IGSF11: variants seen among roughly 807,000 people sequenced by gnomAD.
IGSF11 encodes immunoglobulin superfamily member 11, also known as CXADR like 1.
In IGSF11, 22 loss-of-function variants were observed where a neutral mutation model predicts 41.0. That is an observed-to-expected ratio of 0.54 (90% confidence interval 0.38 to 0.77). The LOEUF (loss-of-function observed/expected upper bound fraction) is 0.77, where lower values mean the gene tolerates loss of function less well. Ranked by LOEUF, IGSF11 falls within the 30% of genes least tolerant of loss-of-function variation. The pLI is 0.00. For synonymous variants in IGSF11, 219 were observed against 201.3 expected (o/e 1.09, Z -0.74); for missense variants, 444 against 530.8 (o/e 0.84, Z 1.61).
chr3:118,961,328 C>T (rs1235571161), intron 1 of IGSF11, among the ~76,000 whole-genome samples: 2 of 152,236 alleles, frequency 1.3e-5, no homozygotes, highest in African/African-American at 4.8e-5. Flanking sequence ...TGCTCCAAAA[C>T]TAGGCTTCTG....
At chr3:119,118,132 C>T (rs946320873) in intron 1 of IGSF11, among the ~76,000 whole-genome samples, 5 of 152,190 alleles carry the variant, frequency 3.3e-5, no homozygotes, top group African/African-American at 1.2e-4. Context: ...AGGATGGTGG[C>T]CCTCTTCTCA....
chr3:119,000,935 G>C (rs1284412820), intron 1 of IGSF11, among the ~76,000 whole-genome samples: 1 of 152,066 alleles, frequency 6.6e-6, no homozygotes, highest in African/African-American at 2.4e-5. Context: ...ATCCTCACAA[G>C]GTTCTGTGCT....
chr3:119,050,053 A>T (rs1369235966), intron 1 of IGSF11, among the ~76,000 whole-genome samples: 1 of 148,668 alleles, frequency 6.7e-6, no homozygotes, highest in Non-Finnish European at 1.5e-5. Flanking sequence ...ACCCTAGAAG[A>T]AAACCTAGGC....
intron 1 of IGSF11, among the ~76,000 whole-genome samples, chr3:119,115,237 G>C (rs1452670357): frequency 2.0e-5 from 3 of 152,156 alleles, no homozygotes; most frequent in African/African-American, 7.2e-5. Context: ...TTGATACATT[G>C]GGTTTCCTTG....
intron 1 of IGSF11, among the ~76,000 whole-genome samples, chr3:119,060,257 ATATTGATTAACTTATACTTCAAAAGAGG>A (rs1442177396): frequency 2.6e-5 from 4 of 152,186 alleles, no homozygotes; most frequent in Admixed American, 6.5e-5. Flanking sequence ...AAAGTTAGAG[ATATTGATTAACTTATACTTCAAAAGAGG>A]TGAGGAGGGT....
Position 119,143,649 on chromosome 3 carries a change from T to G in IGSF11, c.-14+2164A>C, listed in dbSNP as rs962386367. ...ACTTTAAATGTAGATGGATTAAACT[T>G]TCCAATAAAAAGACAAAGATTGGCA... On this transcript the variant is annotated intron_variant, in intron 1 of 7. Transcript: ENST00000425327. 3.3e-5 allele frequency among the ~76,000 whole-genome samples: 5 copies of G among 152,290 alleles called. 1 individual carries two copies. The highest frequency in any genetic ancestry group is 3.9e-4 in the East Asian group (2 of 5,190).
Position 118,902,576 on chromosome 3 carries a change from T to G in IGSF11, c.1240A>C (p.Ile414Leu). Residue 414 changes from isoleucine (I) to leucine (L), a missense_variant, in exon 7 of 7, where the codon ATT becomes CTT. Transcript: ENST00000393775. ...YTISHATLER[I>L]GAVPVMVPAQ... The stretch of plus-strand genomic sequence containing the variant: ...GGTACCATGACAGGTACTGCACCAA[T>G]TCGTTCCAGTGTTGCGTGGCTGATG... 2 of 1,611,950 alleles carry G rather than the reference T, an allele frequency of 1.2e-6. No homozygotes were observed. The highest frequency in any genetic ancestry group is 1.7e-6 in the Non-Finnish European group (2 of 1,179,084).
rs114458847 is a variant in IGSF11 at position 118,979,445 on chromosome 3, G to A, written c.53-49170C>T. ...GTACAATGTAAAAACAATATACCTC[G>A]TTAATACATGGTGCTGGAAAACTAG... On this transcript the variant is annotated intron_variant, in intron 1 of 6. Transcript: ENST00000393775. 4.0e-3 allele frequency among the ~76,000 whole-genome samples: 603 copies of A among 152,198 alleles called. 4 individuals are homozygous for A. The highest frequency in any genetic ancestry group is 6.5e-3 in the Non-Finnish European group (440 of 67,972).
intron 1 of IGSF11, among the ~76,000 whole-genome samples, chr3:118,994,197 CTCTGGGGGCACCA>C (rs1323265035): frequency 6.6e-6 from 1 of 152,144 alleles, no homozygotes; most frequent in Non-Finnish European, 1.5e-5. Flanking sequence ...GTTGGGCTGG[CTCTGGGGGCACCA>C]GAGAACTCAA....
At chr3:119,015,509 C>T (rs1938586650) in intron 1 of IGSF11, among the ~76,000 whole-genome samples, 1 of 152,124 alleles carries the variant, frequency 6.6e-6, no homozygotes, top group Non-Finnish European at 1.5e-5. Context: ...AAGTACCTAA[C>T]ATAATATTTT....
At chr3:119,137,446 G>A (rs1261969654) in intron 1 of IGSF11, among the ~76,000 whole-genome samples, 1 of 152,118 alleles carries the variant, frequency 6.6e-6, no homozygotes, top group Admixed American at 6.5e-5. Context: ...TTTTGACAAA[G>A]TTTCCAAGAA....
chr3:119,126,358 A>G (rs1160767143), intron 1 of IGSF11, among the ~76,000 whole-genome samples: 1 of 152,172 alleles, frequency 6.6e-6, no homozygotes, highest in Non-Finnish European at 1.5e-5. Context: ...AGGCTCAGGG[A>G]CAGAATTCAG....
chr3:119,114,311 G>A (rs559707844), intron 1 of IGSF11, among the ~76,000 whole-genome samples: 1 of 152,268 alleles, frequency 6.6e-6, no homozygotes, highest in South Asian at 2.1e-4. Context: ...TTTATACTCT[G>A]TTACCCTTTT....
At chr3:118,977,977 G>C (rs542704829) in intron 1 of IGSF11, among the ~76,000 whole-genome samples, 13 of 152,268 alleles carry the variant, frequency 8.5e-5, no homozygotes, top group African/African-American at 3.1e-4. Flanking sequence ...TGCATCCTGA[G>C]GACAAATTCC....
intron 1 of IGSF11, among the ~76,000 whole-genome samples, chr3:119,024,591 A>G (rs529361803): frequency 1.4e-4 from 21 of 152,320 alleles, no homozygotes; most frequent in African/African-American, 4.6e-4. Flanking sequence ...CAACGATATA[A>G]AATCAAAATT....
chr3:118,912,826 T>C (rs886079712), intron 4 of IGSF11, among the ~76,000 whole-genome samples: 31 of 152,218 alleles, frequency 2.0e-4, no homozygotes, highest in Middle Eastern at 3.4e-3. Flanking sequence ...GATGATGCCA[T>C]GAAGAGACAA....
chr3:119,048,652 C>T (rs1941476373), intron 1 of IGSF11, among the ~76,000 whole-genome samples: 2 of 151,920 alleles, frequency 1.3e-5, no homozygotes, highest in South Asian at 4.2e-4. Flanking sequence ...TTTTATGAGG[C>T]CAGCATCATT....
chr3:118,946,607 T>C (rs2107571743), intron 1 of IGSF11, among the ~76,000 whole-genome samples: 1 of 152,272 alleles, frequency 6.6e-6, no homozygotes. Flanking sequence ...TGACTTTGTG[T>C]CCAATGTATG....
intron 1 of IGSF11, among the ~76,000 whole-genome samples, chr3:118,979,114 T>C (rs1447442725): frequency 6.6e-6 from 1 of 151,936 alleles, no homozygotes; most frequent in Non-Finnish European, 1.5e-5. Flanking sequence ...AAATAGAAAC[T>C]CTCAAGAATT....
Sources: gnomAD v4.1 joint callset for allele counts (sites outside exome capture counted in the v4.1 genomes callset) on GRCh38, gnomAD v4.1.1 for gene constraint, MANE v1.5 for transcripts, NCBI Gene and HGNC (gene_info 2026-07-23, HGNC 2026-07-21) for gene names.